Variants in SLIT3 observed in about 807,000 individuals in gnomAD.
The protein encoded by SLIT3 is slit homolog 3 protein.
A neutral mutation model predicts 184.0 loss-of-function variants in SLIT3; 68 were observed. That is an observed-to-expected ratio of 0.37 (90% CI 0.30 to 0.45). SLIT3 has a LOEUF of 0.45. Ranked by LOEUF, SLIT3 falls within the 20% of genes least tolerant of loss-of-function variation. SLIT3 has a pLI of 1.00. For missense variants in SLIT3, 1,707 were observed against 2,026.0 expected, an observed-to-expected ratio of 0.84 and a Z score of 3.02; for synonymous variants, 831 against 828.6, an observed-to-expected ratio of 1.00 and a Z score of -0.05.
chr5:169,112,160 A>C (rs1322604298), intron 4 of SLIT3, among the ~76,000 whole-genome samples: 1 of 152,214 alleles, frequency 6.6e-6, no homozygotes. Context: ...CCCAGCCTGA[A>C]GGCTCAATGG....
intron 6 of SLIT3, among the ~76,000 whole-genome samples, chr5:168,831,940 A>G (rs1018673594): frequency 6.6e-6 from 1 of 152,230 alleles, no homozygotes; most frequent in African/African-American, 2.4e-5. Flanking sequence ...GAAGATCAAA[A>G]GAGAAAGATA....
chr5:168,772,033 G>T (rs1755568799), intron 14 of SLIT3, among the ~76,000 whole-genome samples: 1 of 152,142 alleles, frequency 6.6e-6, no homozygotes, highest in African/African-American at 2.4e-5. Context: ...ATTTTTAACT[G>T]CCTGTTCATG....
At chr5:168,676,205 C>T (rs958437127) in intron 32 of SLIT3, among the ~76,000 whole-genome samples, 1 of 151,986 alleles carries the variant, frequency 6.6e-6, no homozygotes, top group Non-Finnish European at 1.5e-5. Context: ...TTCATCTACC[C>T]TTCATCCGCC....
intron 5 of SLIT3, 149 bp downstream of exon 5, chr5:168,883,116 G>T (rs995790137): frequency 1.6e-6 from 1 of 621,494 alleles, no homozygotes; most frequent in East Asian, 2.8e-5. Context: ...GGCATCCAAC[G>T]TGTGTTCCCT....
At chr5:169,015,007 T>C (rs1756308430) in intron 4 of SLIT3, among the ~76,000 whole-genome samples, 1 of 151,574 alleles carries the variant, frequency 6.6e-6, no homozygotes, top group South Asian at 2.1e-4. Context: ...CCTTGTAGAT[T>C]ACAGAACCAA....
Position 168,712,365 on chromosome 5 carries a change from G to A in SLIT3, c.2484-11C>T. ...TTGCCATGGAGGGTTCTGAAGCAGA[G>A]GGCACAGGTCGGAAGGTTAGCATCC... is the stretch of plus-strand genomic sequence containing the variant. On this transcript the variant is annotated splice_polypyrimidine_tract_variant and intron_variant, in intron 23 of 35. Transcript: ENST00000519560. 1.2e-6 allele frequency: 2 copies of A among 1,613,802 alleles called. No individual in the cohort carries two copies. Among genetic ancestry groups the A allele is most frequent in the Non-Finnish European group, 1.7e-6 (2 of 1,179,654 alleles).
At chr5:168,730,893 T>C (rs957897860) in intron 20 of SLIT3, among the ~76,000 whole-genome samples, 4 of 151,794 alleles carry the variant, frequency 2.6e-5, no homozygotes. Flanking sequence ...AGACTAAGGA[T>C]TCTAGTATGA....
intron 8 of SLIT3, among the ~76,000 whole-genome samples, chr5:168,808,906 G>T (rs899525279): frequency 1.3e-5 from 2 of 152,120 alleles, no homozygotes; most frequent in Admixed American, 1.3e-4. Flanking sequence ...ATCAAAAGGA[G>T]AGCACACCTG....
chr5:169,255,420 TAGG>T (rs1561769672), intron 1 of SLIT3, among the ~76,000 whole-genome samples: 3 of 152,176 alleles, frequency 2.0e-5, no homozygotes, highest in South Asian at 4.1e-4. Context: ...TGTGTAGACC[TAGG>T]CTAATGTGCG....
chr5:169,055,745 G>T (rs530926539), intron 4 of SLIT3, among the ~76,000 whole-genome samples: 1 of 151,990 alleles, frequency 6.6e-6, no homozygotes, highest in Admixed American at 6.5e-5. Context: ...GGCAGAGAAT[G>T]GTTTGAACCC....
At chr5:169,169,356 C>G (rs912161153) in intron 4 of SLIT3, among the ~76,000 whole-genome samples, 1 of 152,174 alleles carries the variant, frequency 6.6e-6, no homozygotes, top group Non-Finnish European at 1.5e-5. Context: ...ACTAGAAGCT[C>G]TCAAAGGCTG....
At chr5:168,957,711 T>G (rs1220580498) in intron 4 of SLIT3, among the ~76,000 whole-genome samples, 1 of 152,212 alleles carries the variant, frequency 6.6e-6, no homozygotes. Flanking sequence ...GACAGGGTCC[T>G]GGGTGTGTGT....
At chr5:169,201,017 T>C (rs1046411632) in intron 3 of SLIT3, among the ~76,000 whole-genome samples, 1 of 152,288 alleles carries the variant, frequency 6.6e-6, no homozygotes, top group Middle Eastern at 3.4e-3. Context: ...TTCCCTTTTT[T>C]GGAGGGACAA....
At chr5:168,872,640 C>CTTTTTTT (rs774066150) in intron 5 of SLIT3, among the ~76,000 whole-genome samples, 100 of 112,438 alleles carry the variant, frequency 8.9e-4, no homozygotes, top group Non-Finnish European at 1.4e-3. Context: ...TCTTCTTCTT[C>CTTTTTTT]TTTTTTTTTT....
At chr5:168,667,779 G>A (rs529122213) in intron 35 of SLIT3, 1 of 152,344 alleles carries the variant, frequency 6.6e-6, no homozygotes, top group Non-Finnish European at 1.5e-5. Context: ...GCATTTTAAA[G>A]CTTCAGGTGT....
chr5:169,060,486 C>G (rs1447160472), intron 4 of SLIT3, among the ~76,000 whole-genome samples: 3 of 152,218 alleles, frequency 2.0e-5, no homozygotes, highest in Non-Finnish European at 4.4e-5. Context: ...TGGACTAAGA[C>G]AGCTGCTTCA....
Position 168,760,934 on chromosome 5 carries a change from C to A in SLIT3, c.1613G>T (p.Arg538Leu), listed in dbSNP as rs769153202. The A allele has an allele frequency of 2.5e-6, 4 of 1,613,390 alleles. No individual in the cohort carries two copies. Among genetic ancestry groups the A allele is most frequent in the South Asian group, 1.1e-5 (1 of 91,028 alleles). Residue 538 changes from arginine to leucine, a missense_variant and splice_region_variant, in exon 16 of 36, where the codon CGA becomes CTA. Physicochemically the swap from Arg to Leu is moderately radical, Grantham distance 102. Coordinates refer to ENST00000519560, the MANE Select transcript of SLIT3 (RefSeq NM_003062.4). ...SHLPEYVTDL[R>L]LNDNEVSVLE... Reference sequence around the variant, plus strand: ...AACAGATACCTCATTGTCATTCAGTCGCCTGTGTAGGAAGCAAGATGAGTG... The same window carrying A: ...AACAGATACCTCATTGTCATTCAGTAGCCTGTGTAGGAAGCAAGATGAGTG...
intron 4 of SLIT3, among the ~76,000 whole-genome samples, chr5:169,049,659 C>T (rs75230454): frequency 0.026 from 4,016 of 152,202 alleles, 151 homozygotes; most frequent in East Asian, 0.091. Context: ...TGCAGGATGC[C>T]GGGCGGCTTC....
At chr5:168,690,907 C>T (rs1331700211) in intron 29 of SLIT3, among the ~76,000 whole-genome samples, 2 of 152,096 alleles carry the variant, frequency 1.3e-5, no homozygotes, top group African/African-American at 4.8e-5. Flanking sequence ...TGCTTGTCAC[C>T]CTTACTTACT....
Sources: gnomAD v4.1 joint callset for allele counts (sites outside exome capture counted in the v4.1 genomes callset) on GRCh38, gnomAD v4.1.1 for gene constraint, MANE v1.5 for transcripts, NCBI Gene and HGNC (gene_info 2026-07-23, HGNC 2026-07-21) for gene names.